The following CFDP1 variants were observed in gnomAD, a reference collection of about 807,000 sequenced individuals.
CFDP1 encodes the protein chromatin remodeling protein CFDP1.
A neutral mutation model predicts 40.1 loss-of-function variants in CFDP1; 31 were observed. The ratio of observed to expected loss-of-function variants is 0.77; its 90% CI spans 0.58 to 1.04. The LOEUF is 1.04. Among genes scored for constraint, CFDP1 ranks in the 50% least tolerant of loss-of-function variants. CFDP1 has a pLI of 0.00. For missense variants in CFDP1, 423 were observed against 343.4 expected, an observed-to-expected ratio of 1.23 and a Z score of -1.83; for synonymous variants, 167 against 120.0, an observed-to-expected ratio of 1.39 and a Z score of -2.56.
chr16:75,320,811 T>C (rs1371611772), intron 5 of CFDP1, among the ~76,000 whole-genome samples: 1 of 152,182 alleles, frequency 6.6e-6, no homozygotes, highest in Non-Finnish European at 1.5e-5. Context: ...GGGGGACTCA[T>C]GCAAATAAAA....
intron 5 of CFDP1, among the ~76,000 whole-genome samples, chr16:75,338,804 G>A (rs1277417663): frequency 6.6e-6 from 1 of 152,088 alleles, no homozygotes; most frequent in Non-Finnish European, 1.5e-5. Flanking sequence ...GCTTCTGTGG[G>A]TACAGACTCT....
At chr16:75,422,697 T>C (rs1220445382) in intron 1 of CFDP1, among the ~76,000 whole-genome samples, 2 of 151,228 alleles carry the variant, frequency 1.3e-5, no homozygotes, top group African/African-American at 4.9e-5. Context: ...ATCCAGCCTC[T>C]TAGAGAGTCT....
intron 1 of CFDP1, among the ~76,000 whole-genome samples, chr16:75,419,402 A>G (rs2079250647): frequency 6.6e-6 from 1 of 152,200 alleles, no homozygotes; most frequent in African/African-American, 2.4e-5. Context: ...TTACAGAAAA[A>G]TGTCAACCAA....
chr16:75,429,100 G>C (rs4888420), intron 1 of CFDP1, among the ~76,000 whole-genome samples: 78,208 of 151,324 alleles, frequency 0.52, 21,216 homozygotes, highest in Admixed American at 0.64. Context: ...CTGGACAAGA[G>C]AGACAGAGTC....
At chr16:75,328,406 G>C (rs1351525441) in intron 5 of CFDP1, among the ~76,000 whole-genome samples, 2 of 147,744 alleles carry the variant, frequency 1.4e-5, no homozygotes, top group Non-Finnish European at 3.0e-5. Flanking sequence ...CCAACATGGT[G>C]AAACCCCGTC....
At chr16:75,314,522 G>A (rs923219512) in intron 5 of CFDP1, among the ~76,000 whole-genome samples, 14 of 152,092 alleles carry the variant, frequency 9.2e-5, no homozygotes, top group South Asian at 4.1e-4. Flanking sequence ...ACAGATAAAC[G>A]GTGTGGGGTT....
intron 6 of CFDP1, among the ~76,000 whole-genome samples, chr16:75,300,299 T>G (rs141023484): frequency 9.2e-5 from 14 of 152,316 alleles, no homozygotes; most frequent in African/African-American, 3.1e-4. Context: ...AAGTTTTTCT[T>G]TTTTTGAGAC....
chr16:75,418,008 C>G (rs931625664), intron 1 of CFDP1, among the ~76,000 whole-genome samples: 1 of 151,976 alleles, frequency 6.6e-6, no homozygotes. Flanking sequence ...AATCCCAGCA[C>G]TTTGGGAGGC....
intron 1 of CFDP1, among the ~76,000 whole-genome samples, chr16:75,422,043 G>T (rs1216444585): frequency 6.6e-6 from 1 of 152,184 alleles, no homozygotes; most frequent in Admixed American, 6.5e-5. Flanking sequence ...AAAAAAGTTT[G>T]TACACATTCA....
chr16:75,361,532 G>A (rs570043250), intron 5 of CFDP1, among the ~76,000 whole-genome samples: 3 of 152,026 alleles, frequency 2.0e-5, no homozygotes, highest in African/African-American at 4.8e-5. Flanking sequence ...CATGAGAATC[G>A]CTTGAACCTG....
chr16:75,384,583 C>G (rs1295697293), intron 5 of CFDP1, among the ~76,000 whole-genome samples: 1 of 152,042 alleles, frequency 6.6e-6, no homozygotes, highest in Non-Finnish European at 1.5e-5. Context: ...AATGACCCAG[C>G]AATCCCACTT....
At chr16:75,296,229 T>G (rs2078181181) in intron 6 of CFDP1, among the ~76,000 whole-genome samples, 1 of 152,060 alleles carries the variant, frequency 6.6e-6, no homozygotes, top group Non-Finnish European at 1.5e-5. Flanking sequence ...CTTTAAGCAT[T>G]TGGGGTCTTT....
chr16:75,384,872 A>ATATG, intron 5 of CFDP1, among the ~76,000 whole-genome samples: 1 of 29,870 alleles, frequency 3.3e-5, no homozygotes, highest in Admixed American at 5.9e-4. Context: ...ATATATATAT[A>ATATG]TATATATATA....
intron 4 of CFDP1, among the ~76,000 whole-genome samples, chr16:75,411,397 C>G (rs1256489192): frequency 6.6e-6 from 1 of 152,106 alleles, no homozygotes; most frequent in African/African-American, 2.4e-5. Context: ...GGCTACAGAG[C>G]AAGACTCCGT....
chr16:75,379,509 T>C (rs1392837273), intron 5 of CFDP1, among the ~76,000 whole-genome samples: 1 of 151,980 alleles, frequency 6.6e-6, no homozygotes, highest in Non-Finnish European at 1.5e-5. Flanking sequence ...ACACTCAATA[T>C]GAAAGAGCCC....
At chr16:75,359,623 T>C (rs954931925) in intron 5 of CFDP1, among the ~76,000 whole-genome samples, 8 of 152,164 alleles carry the variant, frequency 5.3e-5, no homozygotes, top group African/African-American at 1.9e-4. Context: ...TCATGACCTG[T>C]ATGCAATTGC....
chr16:75,321,498 TCTCTCAGGTAATACTTTAAACCAAG>T (rs1183697454), intron 5 of CFDP1, among the ~76,000 whole-genome samples: 5 of 152,182 alleles, frequency 3.3e-5, no homozygotes, highest in African/African-American at 1.2e-4. Flanking sequence ...GATTTACCTA[TCTCTCAGGTAATACTTTAAACCAAG>T]CTTGTCCAAC....
intron 5 of CFDP1, among the ~76,000 whole-genome samples, chr16:75,328,264 G>A (rs79242561): frequency 4.7e-5 from 7 of 150,102 alleles, no homozygotes; most frequent in Non-Finnish European, 7.4e-5. Flanking sequence ...GATTATAGGC[G>A]TGAGCCAGGA....
chr16:75,381,648 C>A (rs1456493929), intron 5 of CFDP1, among the ~76,000 whole-genome samples: 1 of 152,134 alleles, frequency 6.6e-6, no homozygotes, highest in South Asian at 2.1e-4. Flanking sequence ...CTTTGGCAAG[C>A]TACTGAATTT....
Sources: allele counts gnomAD v4.1 joint callset (sites outside exome capture counted in the v4.1 genomes callset), GRCh38; gene constraint gnomAD v4.1.1; transcripts MANE v1.5; gene names NCBI Gene and HGNC (gene_info 2026-07-23, HGNC 2026-07-21).